CPE: variants seen among roughly 807,000 people sequenced by gnomAD.
The protein encoded by CPE is carboxypeptidase E.
In CPE, 17 loss-of-function variants were observed where a neutral mutation model predicts 53.5. The ratio of observed to expected loss-of-function variants is 0.32; its 90% CI spans 0.22 to 0.48. CPE has a LOEUF of 0.48. Among genes scored for constraint, CPE ranks in the 20% least tolerant of loss-of-function variants. CPE has a pLI of 0.99. For synonymous variants in CPE, 226 were observed against 228.8 expected, an observed-to-expected ratio of 0.99 and a Z score of 0.11; for missense variants, 524 against 614.7, an observed-to-expected ratio of 0.85 and a Z score of 1.56.
intron 1 of CPE, among the ~76,000 whole-genome samples, chr4:165,382,020 A>G (rs563612877): frequency 1.3e-5 from 2 of 152,362 alleles, no homozygotes; most frequent in Admixed American, 6.5e-5. Flanking sequence ...CCTGAGGGCA[A>G]TAGAGAATTG....
rs867737703 is a variant in CPE at position 165,405,255 on chromosome 4, C to T, written c.307+25727C>T. The T allele has an allele frequency of 3.0e-5, 27 of 891,732 alleles. No individual in the cohort carries two copies. In the African/African-American group the frequency reaches 4.1e-4, roughly 14 times the overall value. 55.2% of individuals were successfully genotyped at this position (891,732 alleles called of 1,614,324 possible). A position where few individuals can be genotyped will look rare whatever the true frequency, so the allele number is the denominator to read the frequency against. ...TGGGCAATGCCTGCTCCCATCATCC[C>T]TGCACCAGGAATAGCCAGATGCTTA... On this transcript the variant is annotated intron_variant, in intron 1 of 8. Coordinates refer to ENST00000402744, the MANE Select transcript of CPE (RefSeq NM_001873.4).
In CPE at chr4:165,415,574, C is replaced by T. The variant is rs1224529208; in HGVS notation, c.307+36046C>T. On this transcript the variant is annotated intron_variant, in intron 1 of 8. Coordinates refer to ENST00000402744, the MANE Select transcript of CPE (RefSeq NM_001873.4). Reference sequence around the variant, plus strand: ...ATATATTCCATGTCTTCCTTTTATTCTCTAATTATTTCACCTATTCACCTA... The same window carrying T: ...ATATATTCCATGTCTTCCTTTTATTTTCTAATTATTTCACCTATTCACCTA... Among the ~76,000 whole-genome samples the T allele has an allele frequency of 3.3e-5, 5 of 152,008 alleles. No homozygotes were observed. In the East Asian group the frequency reaches 9.7e-4, roughly 29 times the overall value.
chr4:165,398,617 T>G (rs974749183), intron 1 of CPE, among the ~76,000 whole-genome samples: 1 of 152,228 alleles, frequency 6.6e-6, no homozygotes, highest in Non-Finnish European at 1.5e-5. Context: ...TTAACTAAAG[T>G]ATCTGGTGAT....
chr4:165,405,912 A>G, intron 1 of CPE: 1 of 732,242 alleles, frequency 1.4e-6, no homozygotes, highest in East Asian at 2.6e-5. Flanking sequence ...ATAAAATGGC[A>G]GGATCCACTG....
chr4:165,456,508 CTTTCTTTG>C (rs1248265301), intron 1 of CPE, among the ~76,000 whole-genome samples: 2 of 151,596 alleles, frequency 1.3e-5, no homozygotes, highest in Admixed American at 1.3e-4. Context: ...TTTCATCTTT[CTTTCTTTG>C]TTTCTCTTTG....
chr4:165,482,181 G>C (rs934603542), intron 3 of CPE, 61 bp from the exon 4 acceptor site: 1 of 1,083,638 alleles, frequency 9.2e-7, no homozygotes, highest in African/African-American at 1.6e-5. Flanking sequence ...TGTCTTTTCT[G>C]TCAAGTGATC....
In CPE at chr4:165,450,575, A is replaced by G. The variant is rs370491787; in HGVS notation, c.308-13815A>G. 9.0e-4 allele frequency among the ~76,000 whole-genome samples: 137 copies of G among 152,348 alleles called. 3 individuals carry two copies. The South Asian group carries it at 0.028, about 31-fold the overall frequency. ...TTCACAAGTACATTAAAAATGTAAA[A>G]CCATGCATAATTATTTAATGTATAA... On this transcript the variant is annotated intron_variant, in intron 1 of 8. Transcript: ENST00000402744.
intron 3 of CPE, among the ~76,000 whole-genome samples, chr4:165,480,659 G>A (rs558292931): frequency 1.3e-5 from 2 of 152,262 alleles, no homozygotes; most frequent in South Asian, 2.1e-4. Flanking sequence ...AGAATTGAAT[G>A]TCTGACACAG....
Position 165,379,145 on chromosome 4 carries a change from G to T in CPE, c.-77G>T. 8.5e-7 allele frequency: 1 copy of T among 1,171,212 alleles called. No individual in the cohort carries two copies. The highest frequency in any genetic ancestry group is 4.3e-5 in the South Asian group (1 of 23,050). The allele number at this position is 1,171,212 out of a possible 1,614,324, so 72.6% of individuals were successfully genotyped here. A position where few individuals can be genotyped will look rare whatever the true frequency, so the allele number is the denominator to read the frequency against. ...ACTTGCCGCCCCCAGCAGCGCCGGC[G>T]GGCTAAGCCCAGGGCCGGGCAGACA... is the stretch of plus-strand genomic sequence containing the variant. On this transcript the variant is annotated 5_prime_UTR_variant, in exon 1 of 9. Coordinates refer to ENST00000402744, the MANE Select transcript of CPE (RefSeq NM_001873.4). This position sits in a 1 kb window ranked among gnomAD's most constrained non-coding sequence, Gnocchi z 6.0.
chr4:165,459,625 C>T (rs1181954083), intron 1 of CPE, among the ~76,000 whole-genome samples: 3 of 116,228 alleles, frequency 2.6e-5, no homozygotes, highest in Non-Finnish European at 5.1e-5. Context: ...AAATGAAGGC[C>T]GGGCGTGGTG....
chr4:165,489,835 G>A (rs1325205555), intron 6 of CPE, among the ~76,000 whole-genome samples: 2 of 152,182 alleles, frequency 1.3e-5, no homozygotes, highest in Non-Finnish European at 2.9e-5. Flanking sequence ...AAAAGAAGAA[G>A]GTTAAAGTTA....
intron 3 of CPE, among the ~76,000 whole-genome samples, chr4:165,481,347 A>C (rs1198103960): frequency 6.6e-6 from 1 of 152,184 alleles, no homozygotes; most frequent in East Asian, 1.9e-4. Context: ...AACTATTCAT[A>C]AACAGAGCAG....
At chr4:165,459,024 G>A (rs1447132856) in intron 1 of CPE, among the ~76,000 whole-genome samples, 2 of 152,148 alleles carry the variant, frequency 1.3e-5, no homozygotes, top group African/African-American at 4.8e-5. Flanking sequence ...TTTACCATTT[G>A]GGAACATTGC....
intron 3 of CPE, among the ~76,000 whole-genome samples, chr4:165,471,886 A>C (rs1732213407): frequency 3.3e-5 from 5 of 152,226 alleles, no homozygotes. Context: ...CCCTTGGTAA[A>C]ATAACCAGTT....
chr4:165,492,036 C>T (rs1415276587), intron 6 of CPE, among the ~76,000 whole-genome samples: 3 of 152,156 alleles, frequency 2.0e-5, no homozygotes, highest in Admixed American at 1.3e-4. Flanking sequence ...AGACCTGAAG[C>T]GACTCTGTCA....
At position 165,418,942 on chromosome 4, in the gene CPE, G is replaced by A. The variant is rs545802666; in HGVS notation, c.307+39414G>A. ...AAAATATTATAAATATTTTAAGATA[G>A]ATGTGGTTGAACATTTAGAATTGGG... On this transcript the variant is annotated intron_variant, in intron 1 of 8. Coordinates refer to ENST00000402744, the MANE Select transcript of CPE (RefSeq NM_001873.4). Among the ~76,000 whole-genome samples, 11 of 152,238 alleles carry A rather than the reference G, an allele frequency of 7.2e-5. 1 individual carries two copies. The South Asian group carries it at 2.1e-3, about 29-fold the overall frequency.
At chr4:165,429,828 G>A (rs1272545286) in intron 1 of CPE, among the ~76,000 whole-genome samples, 2 of 151,232 alleles carry the variant, frequency 1.3e-5, no homozygotes, top group African/African-American at 4.9e-5. Context: ...AAGAAATTAT[G>A]TCATTGTTTA....
intron 1 of CPE, among the ~76,000 whole-genome samples, chr4:165,428,514 A>G (rs1422151139): frequency 6.6e-6 from 1 of 152,218 alleles, no homozygotes; most frequent in East Asian, 1.9e-4. Flanking sequence ...TGTATTACCC[A>G]TGGTATTAGT....
intron 7 of CPE, among the ~76,000 whole-genome samples, chr4:165,494,647 A>G (rs984170438): frequency 3.3e-5 from 5 of 152,216 alleles, no homozygotes; most frequent in African/African-American, 1.2e-4. Context: ...TGGGTCCAAG[A>G]CAGAATAAGA....
Sources: gnomAD v4.1 joint callset for allele counts (sites outside exome capture counted in the v4.1 genomes callset) on GRCh38, gnomAD v4.1.1 for gene constraint, Gnocchi (gnomAD v3.1) non-coding constraint, MANE v1.5 for transcripts, NCBI Gene and HGNC (gene_info 2026-07-23, HGNC 2026-07-21) for gene names.